AGBL1: variants seen among roughly 807,000 people sequenced by gnomAD.
The protein encoded by AGBL1 is cytosolic carboxypeptidase 4.
Under a neutral mutation model 118.9 loss-of-function variants are expected in AGBL1, and 130 were observed. The ratio of observed to expected loss-of-function variants is 1.09; its 90% CI spans 0.95 to 1.26. The LOEUF (loss-of-function observed/expected upper bound fraction) is 1.26, where lower values mean the gene tolerates loss of function less well. Among genes scored for constraint, AGBL1 ranks in the 50% most tolerant of loss-of-function variants. AGBL1 has a pLI of 0.00. For missense variants in AGBL1, 1,584 were observed against 1,298.1 expected (o/e 1.22, Z -3.38); for synonymous variants, 555 against 478.9 (o/e 1.16, Z -2.08).
At chr15:86,714,021 C>T (rs1469025869) in intron 22 of AGBL1, among the ~76,000 whole-genome samples, 1 of 152,166 alleles carries the variant, frequency 6.6e-6, no homozygotes, top group Non-Finnish European at 1.5e-5. Flanking sequence ...GAAGAATAAC[C>T]TGTGTCGATA....
rs1338724652 is a variant in AGBL1, at chr15:86,913,592, G to C, written c.*6298G>C. 6.6e-6 allele frequency: 1 copy of C among 152,254 alleles called. No individual in the cohort carries two copies. The highest frequency in any genetic ancestry group is 1.5e-5 in the Non-Finnish European group (1 of 68,128). 9.4% of individuals were successfully genotyped at this position (152,254 alleles called of 1,614,324 possible). A position where few individuals can be genotyped will look rare whatever the true frequency, so the allele number is the denominator to read the frequency against. Reference sequence around the variant, plus strand: ...TACAAGGCTGAAGCAGGCAAGGCGTGGTGGCTCACAACTGTAATCCCAGAA... The same window carrying C: ...TACAAGGCTGAAGCAGGCAAGGCGTCGTGGCTCACAACTGTAATCCCAGAA... On this transcript the variant is annotated 3_prime_UTR_variant, in exon 23 of 23. Coordinates refer to ENST00000614907, the MANE Select transcript of AGBL1 (RefSeq NM_001386094.1).
intron 17 of AGBL1, among the ~76,000 whole-genome samples, chr15:86,320,401 T>C (rs2141842036): frequency 6.6e-6 from 1 of 152,186 alleles, no homozygotes; most frequent in African/African-American, 2.4e-5. Context: ...TAATAATTTC[T>C]TTTAAAAATG....
At chr15:86,653,799 C>T (rs150475182) in intron 21 of AGBL1, among the ~76,000 whole-genome samples, 39 of 152,224 alleles carry the variant, frequency 2.6e-4, no homozygotes, top group African/African-American at 6.7e-4. Context: ...GAAATAAACA[C>T]GATCACCTTG....
chr15:86,353,968 A>G lies in AGBL1; in HGVS notation c.2375-43398A>G, dbSNP rs954260528. Among the ~76,000 whole-genome samples the G allele has an allele frequency of 7.2e-5, 11 of 152,330 alleles. No homozygotes were observed. In the East Asian group the frequency reaches 1.9e-3, roughly 27 times the overall value. ...TTTTCTTTCATGCATGGCTCAAGAC[A>G]CAGTGTGCTGATATATTACAGAACA... On this transcript the variant is annotated intron_variant, in intron 17 of 22. Coordinates refer to ENST00000614907, the MANE Select transcript of AGBL1 (RefSeq NM_001386094.1).
intron 18 of AGBL1, among the ~76,000 whole-genome samples, chr15:86,503,555 C>T (rs1420489786): frequency 6.6e-6 from 1 of 150,970 alleles, no homozygotes; most frequent in African/African-American, 2.4e-5. Flanking sequence ...AAAATAATCT[C>T]TTTTAATACA....
intron 22 of AGBL1, among the ~76,000 whole-genome samples, chr15:86,855,948 T>G (rs1041386291): frequency 2.6e-5 from 4 of 152,166 alleles, no homozygotes; most frequent in African/African-American, 9.7e-5. Context: ...AAAATATAAC[T>G]CATCCCTAAT....
At chr15:86,634,379 A>G (rs1207340746) in intron 21 of AGBL1, among the ~76,000 whole-genome samples, 1 of 152,202 alleles carries the variant, frequency 6.6e-6, no homozygotes, top group Non-Finnish European at 1.5e-5. Flanking sequence ...TTTGATGGAA[A>G]GGAATGAAGT....
At chr15:86,905,499 T>C (rs2080269770) in intron 22 of AGBL1, among the ~76,000 whole-genome samples, 1 of 152,198 alleles carries the variant, frequency 6.6e-6, no homozygotes. Context: ...ACATGCATGC[T>C]CTTCTTCCAC....
intron 22 of AGBL1, among the ~76,000 whole-genome samples, chr15:86,811,096 A>T (rs545524227): frequency 6.6e-6 from 1 of 152,340 alleles, no homozygotes; most frequent in Admixed American, 6.5e-5. Context: ...TGCCCCATTT[A>T]TTGGAGCTAA....
chr15:86,629,204 T>A (rs2084930548), intron 21 of AGBL1, among the ~76,000 whole-genome samples: 1 of 152,118 alleles, frequency 6.6e-6, no homozygotes, highest in African/African-American at 2.4e-5. Context: ...CTTTTTTACA[T>A]TCCAATAAAC....
intron 18 of AGBL1, among the ~76,000 whole-genome samples, chr15:86,416,190 T>C (rs2081692282): frequency 6.6e-6 from 1 of 152,148 alleles, no homozygotes; most frequent in Non-Finnish European, 1.5e-5. Flanking sequence ...GATGACTAAA[T>C]ATTGACTCGT....
At chr15:86,448,092 C>G (rs2082147204) in intron 18 of AGBL1, among the ~76,000 whole-genome samples, 1 of 152,146 alleles carries the variant, frequency 6.6e-6, no homozygotes, top group Non-Finnish European at 1.5e-5. Flanking sequence ...TTGCGGTGAG[C>G]TGAGATCACG....
Position 86,163,586 on chromosome 15 carries a change from G to C in AGBL1, c.488+4560G>C, listed in dbSNP as rs186931666. Among the ~76,000 whole-genome samples, 1,010 of 152,034 alleles carry C rather than the reference G, an allele frequency of 6.6e-3. 8 individuals carry two copies. The highest frequency in any genetic ancestry group is 9.4e-3 in the Non-Finnish European group (636 of 67,984). On this transcript the variant is annotated intron_variant, in intron 5 of 22. Transcript: ENST00000614907. ...CTACTAAAAATACAAAAATTAGCTGGGCATGGTGGTGGATTCCTGTAATCC... is the reference window on the plus strand; with the variant it reads ...CTACTAAAAATACAAAAATTAGCTGCGCATGGTGGTGGATTCCTGTAATCC...
chr15:86,625,373 T>G (rs1219546270), intron 21 of AGBL1, among the ~76,000 whole-genome samples: 3 of 46,328 alleles, frequency 6.5e-5, no homozygotes, highest in Non-Finnish European at 1.3e-4. Flanking sequence ...GCGTTTTTTT[T>G]TTTTTGTTTT....
intron 21 of AGBL1, among the ~76,000 whole-genome samples, chr15:86,555,029 G>A (rs532328200): frequency 7.9e-5 from 12 of 152,304 alleles, no homozygotes; most frequent in African/African-American, 2.6e-4. Context: ...ACACAAAAGT[G>A]TGTGCATGGC....
intron 1 of AGBL1, among the ~76,000 whole-genome samples, chr15:86,124,845 G>A (rs922039378): frequency 7.2e-5 from 11 of 152,268 alleles, no homozygotes; most frequent in African/African-American, 2.6e-4. Context: ...GTATACAGTC[G>A]CTCGCAACAG....
At chr15:86,584,309 T>C (rs1252423644) in intron 21 of AGBL1, among the ~76,000 whole-genome samples, 1 of 152,202 alleles carries the variant, frequency 6.6e-6, no homozygotes, top group Non-Finnish European at 1.5e-5. Context: ...AGTATTCTTT[T>C]AGTTTAAGGT....
At chr15:86,608,766 C>T (rs183169917) in intron 21 of AGBL1, among the ~76,000 whole-genome samples, 5 of 152,254 alleles carry the variant, frequency 3.3e-5, no homozygotes, top group African/African-American at 4.8e-5. Context: ...GTCAGATCTT[C>T]TGATTTTTCA....
At chr15:86,424,560 C>T (rs2081840511) in intron 18 of AGBL1, among the ~76,000 whole-genome samples, 1 of 152,178 alleles carries the variant, frequency 6.6e-6, no homozygotes, top group African/African-American at 2.4e-5. Flanking sequence ...AACTAAAGAG[C>T]TTCTGCCCAG....
Sources: allele counts gnomAD v4.1 joint callset (sites outside exome capture counted in the v4.1 genomes callset), GRCh38; gene constraint gnomAD v4.1.1; transcripts MANE v1.5; gene names NCBI Gene and HGNC (gene_info 2026-07-23, HGNC 2026-07-21).